PHACTR3: variants seen among roughly 807,000 people sequenced by gnomAD.
PHACTR3 encodes the protein phosphatase and actin regulator 3, also known as protein phosphatase 1, regulatory subunit 123.
PHACTR3 carries 16 observed loss-of-function variants against 66.8 expected under a neutral mutation model. The ratio of observed to expected loss-of-function variants is 0.24; its 90% confidence interval spans 0.16 to 0.36. The LOEUF is 0.36. PHACTR3 is among the 10% of genes least tolerant of loss of function. The pLI is 1.00. For synonymous variants in PHACTR3, 323 were observed against 292.1 expected, an observed-to-expected ratio of 1.11 and a Z score of -1.08; for missense variants, 647 against 719.9, an observed-to-expected ratio of 0.90 and a Z score of 1.16.
chr20:59,749,044 G>A (rs2039479053), intron 3 of PHACTR3, among the ~76,000 whole-genome samples: 1 of 152,166 alleles, frequency 6.6e-6, no homozygotes, highest in Non-Finnish European at 1.5e-5. Flanking sequence ...TTGCTTCATA[G>A]TGATAATAAA....
At chr20:59,639,055 G>A (rs1301066531) in intron 1 of PHACTR3, among the ~76,000 whole-genome samples, 2 of 98,840 alleles carry the variant, frequency 2.0e-5, no homozygotes. Context: ...AAATGGAGAT[G>A]GATAGATGGA....
intron 5 of PHACTR3, among the ~76,000 whole-genome samples, chr20:59,771,896 T>C (rs2040373925): frequency 6.6e-6 from 1 of 152,220 alleles, no homozygotes; most frequent in Non-Finnish European, 1.5e-5. Flanking sequence ...TTTTAGGGAA[T>C]GGGGTAGTTT....
intron 1 of PHACTR3, among the ~76,000 whole-genome samples, chr20:59,694,445 GGGCAGGAA>G (rs1460940490): frequency 2.0e-5 from 3 of 151,810 alleles, no homozygotes; most frequent in African/African-American, 7.3e-5. Context: ...AAATGAAAGA[GGGCAGGAA>G]GGCAGGAAGG....
At chr20:59,683,371 G>C (rs1379402430) in intron 1 of PHACTR3, among the ~76,000 whole-genome samples, 1 of 152,182 alleles carries the variant, frequency 6.6e-6, no homozygotes, top group African/African-American at 2.4e-5. Context: ...CTGTGCATTC[G>C]GGAGGCCGCA....
intron 1 of PHACTR3, among the ~76,000 whole-genome samples, chr20:59,694,286 T>A (rs2037215296): frequency 6.6e-6 from 1 of 152,172 alleles, no homozygotes; most frequent in Admixed American, 6.5e-5. Flanking sequence ...TTTTGGCTTC[T>A]GTCTCCCTCT....
chr20:59,803,642 T>C (rs1161557027), intron 7 of PHACTR3, among the ~76,000 whole-genome samples: 4 of 152,208 alleles, frequency 2.6e-5, no homozygotes, highest in Non-Finnish European at 4.4e-5. Context: ...TTCCGTAACA[T>C]ATACGCCACC....
At position 59,755,201 on chromosome 20, in the gene PHACTR3, C is replaced by G; in HGVS notation, c.378C>G (p.Cys126Trp). The G allele has an allele frequency of 6.2e-7, 1 of 1,612,844 alleles. No homozygotes were observed. Among genetic ancestry groups the G allele is most frequent in the Non-Finnish European group, 8.5e-7 (1 of 1,179,864 alleles). Reference sequence around the variant, plus strand: ...TTGTAGATGCTGAAAGCAAAACTTGCAACCCCGATGGAGGACCCCGATCTG... The same window carrying G: ...TTGTAGATGCTGAAAGCAAAACTTGGAACCCCGATGGAGGACCCCGATCTG... The part of the protein sequence containing the change: ...MMEQDAESKT[C>W]NPDGGPRSVQ... Residue 126 changes from cysteine to tryptophan, a missense_variant, in exon 4 of 13, where the codon TGC (cysteine) becomes TGG (tryptophan). Around this residue, in one of 2 missense-constraint regions of PHACTR3, gnomAD observed 577 missense variants for 571.1 expected, o/e 1.01. Transcript: ENST00000371015.
At chr20:59,661,441 T>C (rs2035802162) in intron 1 of PHACTR3, among the ~76,000 whole-genome samples, 1 of 152,090 alleles carries the variant, frequency 6.6e-6, no homozygotes, top group Admixed American at 6.5e-5. Flanking sequence ...TCATTTGTTA[T>C]AACAGCCCTA....
intron 7 of PHACTR3, among the ~76,000 whole-genome samples, chr20:59,786,848 C>G (rs2146943439): frequency 6.6e-6 from 1 of 152,276 alleles, no homozygotes; most frequent in African/African-American, 2.4e-5. Context: ...GGAGCGCTCT[C>G]TGTGTAGTTA....
chr20:59,731,861 T>C (rs1387128049), intron 1 of PHACTR3, among the ~76,000 whole-genome samples: 1 of 152,316 alleles, frequency 6.6e-6, no homozygotes, highest in East Asian at 1.9e-4. Context: ...TTGTTATCTT[T>C]GGAATACAGA....
chr20:59,800,971 T>G (rs547013793), intron 7 of PHACTR3, among the ~76,000 whole-genome samples: 1 of 152,356 alleles, frequency 6.6e-6, no homozygotes, highest in Non-Finnish European at 1.5e-5. Flanking sequence ...GTCTGGCTGA[T>G]GGGAACCGGC....
chr20:59,744,986 C>T (rs1311839597), intron 2 of PHACTR3, among the ~76,000 whole-genome samples: 1 of 152,174 alleles, frequency 6.6e-6, no homozygotes, highest in East Asian at 1.9e-4. Flanking sequence ...TGGCAGGGCC[C>T]CTTGCACACA....
chr20:59,743,324 A>G, intron 2 of PHACTR3, 56 bp downstream of exon 2: 1 of 1,597,724 alleles, frequency 6.3e-7, no homozygotes, highest in South Asian at 1.1e-5. Context: ...CGTCCTTGGC[A>G]TGGTGCTGCG....
intron 1 of PHACTR3, among the ~76,000 whole-genome samples, chr20:59,585,303 T>C (rs1162933678): frequency 2.0e-5 from 3 of 152,116 alleles, no homozygotes; most frequent in Non-Finnish European, 4.4e-5. Flanking sequence ...TTGGAGGTGA[T>C]GTTGTGGCCA....
At chr20:59,810,099 A>C (rs2041690930) in intron 8 of PHACTR3, among the ~76,000 whole-genome samples, 1 of 150,472 alleles carries the variant, frequency 6.6e-6, no homozygotes, top group East Asian at 2.0e-4. Flanking sequence ...ACAAAAAAAA[A>C]GGTAAGTAAT....
chr20:59,802,621 G>T (rs772396481), intron 7 of PHACTR3, among the ~76,000 whole-genome samples: 1 of 152,192 alleles, frequency 6.6e-6, no homozygotes, highest in Admixed American at 6.5e-5. Context: ...TGCAGGGAGC[G>T]TGGAAGGCAG....
chr20:59,813,710 G>C (rs2041806059), intron 8 of PHACTR3, among the ~76,000 whole-genome samples: 1 of 152,088 alleles, frequency 6.6e-6, no homozygotes. Context: ...GACTACCCTG[G>C]GGGCTGAGAA....
At chr20:59,672,137 G>A (rs2036214037) in intron 1 of PHACTR3, among the ~76,000 whole-genome samples, 1 of 152,216 alleles carries the variant, frequency 6.6e-6, no homozygotes, top group African/African-American at 2.4e-5. Context: ...GGGAGGCATG[G>A]TGCCACTGGC....
chr20:59,592,622 A>C (rs959490166), intron 1 of PHACTR3, among the ~76,000 whole-genome samples: 1 of 152,152 alleles, frequency 6.6e-6, no homozygotes, highest in African/African-American at 2.4e-5. Flanking sequence ...ACTGCCCTAC[A>C]AATCCTCTGT....
Sources: gnomAD v4.1 joint callset for allele counts (sites outside exome capture counted in the v4.1 genomes callset) on GRCh38, gnomAD v4.1.1 for gene constraint, gnomAD v4.1.1 regional missense constraint, MANE v1.5 for transcripts, NCBI Gene and HGNC (gene_info 2026-07-23, HGNC 2026-07-21) for gene names.